EYS: variants seen among roughly 807,000 people sequenced by gnomAD.
EYS encodes EGF-like photoreceptor maintenance factor.
Under a neutral mutation model 282.1 loss-of-function variants are expected in EYS, and 250 were observed. That is an observed-to-expected ratio of 0.89 (90% CI 0.80 to 0.98). The LOEUF is 0.98. Ranked by LOEUF, EYS falls within the 50% of genes least tolerant of loss-of-function variation. The pLI, the probability that EYS is intolerant of heterozygous loss-of-function variation, is 0.00. For missense variants in EYS, 4,016 were observed against 3,709.0 expected (o/e 1.08, Z -2.15); for synonymous variants, 1,355 against 1,282.9 (o/e 1.06, Z -1.20).
At chr6:64,398,360 T>C (rs1773441594) in intron 28 of EYS, among the ~76,000 whole-genome samples, 1 of 151,908 alleles carries the variant, frequency 6.6e-6, no homozygotes, top group African/African-American at 2.4e-5. Flanking sequence ...AGGACAATCC[T>C]GTAAATTATT....
At chr6:63,844,041 T>C (rs1424373944) in intron 36 of EYS, among the ~76,000 whole-genome samples, 12 of 152,182 alleles carry the variant, frequency 7.9e-5, no homozygotes, top group Admixed American at 7.2e-4. Context: ...CTGTGTGTTG[T>C]TCCCCTCCCT....
At chr6:63,829,526 C>G (rs1408928067) in intron 36 of EYS, among the ~76,000 whole-genome samples, 2 of 152,194 alleles carry the variant, frequency 1.3e-5, no homozygotes, top group East Asian at 3.8e-4. Context: ...GGGGCGTCCA[C>G]CATTGCTGAG....
intron 35 of EYS, among the ~76,000 whole-genome samples, chr6:63,961,261 C>T (rs1237636730): frequency 1.3e-5 from 2 of 152,158 alleles, no homozygotes; most frequent in African/African-American, 4.8e-5. Context: ...ATCTAGATGG[C>T]CTGAAGCAAG....
At chr6:65,389,110 TAC>T (rs1172756451) in intron 7 of EYS, among the ~76,000 whole-genome samples, 1 of 152,128 alleles carries the variant, frequency 6.6e-6, no homozygotes. Context: ...CTTGTGTCTG[TAC>T]AGTTTCCTTT....
intron 26 of EYS, among the ~76,000 whole-genome samples, chr6:64,548,361 A>G (rs1260486496): frequency 1.3e-5 from 2 of 152,230 alleles, no homozygotes; most frequent in East Asian, 3.9e-4. Context: ...TCATGCTGCT[A>G]TAAAGACACA....
At chr6:65,645,287 CAAAT>C (rs1767412480) in intron 1 of EYS, among the ~76,000 whole-genome samples, 1 of 152,064 alleles carries the variant, frequency 6.6e-6, no homozygotes, top group African/African-American at 2.4e-5. Flanking sequence ...TGATAGGCCA[CAAAT>C]AAGTCTCAGT....
At chr6:64,134,382 C>CAA (rs141431431) in intron 31 of EYS, among the ~76,000 whole-genome samples, 7 of 145,408 alleles carry the variant, frequency 4.8e-5, no homozygotes, top group Non-Finnish European at 1.1e-4. Flanking sequence ...ATGTTTTTAG[C>CAA]AAAAAAAAAA....
intron 35 of EYS, among the ~76,000 whole-genome samples, chr6:63,923,483 A>G (rs1310842587): frequency 6.6e-6 from 1 of 152,244 alleles, no homozygotes; most frequent in Non-Finnish European, 1.5e-5. Flanking sequence ...AGAAAATAGC[A>G]AATAACACTG....
intron 30 of EYS, among the ~76,000 whole-genome samples, chr6:64,258,352 G>C (rs181750206): frequency 1.6e-3 from 248 of 152,078 alleles, no homozygotes; most frequent in Admixed American, 2.8e-3. Context: ...AACCCCCAAG[G>C]CTGGCCTAAT....
intron 2 of EYS, among the ~76,000 whole-genome samples, chr6:65,578,995 G>C (rs1466624734): frequency 6.6e-6 from 1 of 152,094 alleles, no homozygotes; most frequent in East Asian, 1.9e-4. Context: ...TTCCAAAGCT[G>C]TGTAAGAATA....
At chr6:64,266,537 C>A (rs1331655272) in intron 30 of EYS, among the ~76,000 whole-genome samples, 1 of 152,120 alleles carries the variant, frequency 6.6e-6, no homozygotes. Context: ...TGTTATTGAA[C>A]TGATGCTGAT....
intron 22 of EYS, among the ~76,000 whole-genome samples, chr6:64,697,761 G>A (rs999969054): frequency 9.9e-5 from 15 of 152,002 alleles, no homozygotes; most frequent in African/African-American, 3.4e-4. Flanking sequence ...GGCTAACACT[G>A]TGAAACCCCA....
intron 22 of EYS, among the ~76,000 whole-genome samples, chr6:64,703,008 T>C (rs1400314546): frequency 2.0e-5 from 3 of 152,028 alleles, no homozygotes; most frequent in African/African-American, 4.8e-5. Flanking sequence ...AACAATGTGA[T>C]TAAACAATTT....
At chr6:65,484,276 A>G (rs969986168) in intron 5 of EYS, among the ~76,000 whole-genome samples, 2 of 152,192 alleles carry the variant, frequency 1.3e-5, no homozygotes, top group African/African-American at 4.8e-5. Context: ...AAATATTAAA[A>G]TGCCATTTGT....
chr6:63,727,188 A>G (rs1768645756), intron 41 of EYS, among the ~76,000 whole-genome samples: 2 of 152,008 alleles, frequency 1.3e-5, no homozygotes, highest in African/African-American at 2.4e-5. Flanking sequence ...AACTGACCCA[A>G]TGGGAATTAT....
chr6:65,117,420 T>C (rs1194948407), intron 12 of EYS, among the ~76,000 whole-genome samples: 1 of 152,158 alleles, frequency 6.6e-6, no homozygotes. Flanking sequence ...TGAAAGACAT[T>C]GTGATCAGTA....
chr6:64,518,440 G>T (rs140842646), intron 26 of EYS, among the ~76,000 whole-genome samples: 1 of 151,646 alleles, frequency 6.6e-6, no homozygotes, highest in Non-Finnish European at 1.5e-5. Flanking sequence ...ATTTCATACC[G>T]TAAGTTGAAA....
At chr6:64,580,241 A>T (rs1260623612) in intron 26 of EYS, among the ~76,000 whole-genome samples, 2 of 152,136 alleles carry the variant, frequency 1.3e-5, no homozygotes, top group African/African-American at 4.8e-5. Flanking sequence ...ATTAACATAT[A>T]ACTCCTCCTG....
At chr6:65,537,480 T>C (rs1768003465) in intron 2 of EYS, among the ~76,000 whole-genome samples, 1 of 152,098 alleles carries the variant, frequency 6.6e-6, no homozygotes, top group East Asian at 1.9e-4. Context: ...GACTTGTTTA[T>C]GTATACATAA....
Sources: allele counts gnomAD v4.1 joint callset (sites outside exome capture counted in the v4.1 genomes callset), GRCh38; gene constraint gnomAD v4.1.1; transcripts MANE v1.5; gene names NCBI Gene and HGNC (gene_info 2026-07-23, HGNC 2026-07-21).